Variants in NUFIP2 observed in about 807,000 individuals in gnomAD.
NUFIP2 encodes nuclear FMR1 interacting protein 2.
NUFIP2 carries 6 observed loss-of-function variants against 56.9 expected under a neutral mutation model. The observed-to-expected ratio is 0.11, with a 90% CI of 0.06 to 0.21. The LOEUF is 0.21. Among genes scored for constraint, NUFIP2 ranks in the 10% least tolerant of loss-of-function variants. NUFIP2 has a pLI of 1.00. For synonymous variants in NUFIP2, 321 were observed against 298.2 expected, an observed-to-expected ratio of 1.08 and a Z score of -0.79; for missense variants, 828 against 826.8, an observed-to-expected ratio of 1.00 and a Z score of -0.02.
At position 29,285,980 on chromosome 17, in the gene NUFIP2, CAA is replaced by C; in HGVS notation, c.2002+10_2002+11del. On this transcript the variant is annotated intron_variant, in intron 2 of 3. Coordinates refer to ENST00000225388, the MANE Select transcript of NUFIP2 (RefSeq NM_020772.3). ...CCAATAAAAATCTTTGTATAGGAAA[CAA>C]ATGAGTTACCTTTAGTGTGATATAC... 2.5e-6 allele frequency: 4 copies of C among 1,575,112 alleles called. No homozygotes were observed. Among genetic ancestry groups the C allele is most frequent in the Non-Finnish European group, 3.4e-6 (4 of 1,161,076 alleles).
chr17:29,276,684 G>C (rs866246540), intron 2 of NUFIP2, among the ~76,000 whole-genome samples: 1 of 152,106 alleles, frequency 6.6e-6, no homozygotes, highest in African/African-American at 2.4e-5. Context: ...ATTAGACCAA[G>C]TTTCTTAATG....
chr17:29,284,415 T>G (rs1229158916), intron 2 of NUFIP2, among the ~76,000 whole-genome samples: 1 of 152,114 alleles, frequency 6.6e-6, no homozygotes, highest in East Asian at 1.9e-4. Flanking sequence ...AAGAAAGTGA[T>G]TAACATGAGG....
chr17:29,271,644 G>A (rs1388507375), intron 2 of NUFIP2, among the ~76,000 whole-genome samples: 1 of 151,946 alleles, frequency 6.6e-6, no homozygotes, highest in African/African-American at 2.4e-5. Flanking sequence ...TTACTTCTTT[G>A]ACTACTAGCA....
At chr17:29,269,922 G>GT (rs1567676513) in intron 2 of NUFIP2, among the ~76,000 whole-genome samples, 1 of 151,848 alleles carries the variant, frequency 6.6e-6, no homozygotes, top group African/African-American at 2.4e-5. Flanking sequence ...GGGTTTCACC[G>GT]TGTTAGCCAG....
rs772055141 is a variant in NUFIP2 at position 29,261,870 on chromosome 17, C to G, written c.*2669G>C. 6.6e-6 allele frequency: 1 copy of G among 152,512 alleles called. No homozygotes were observed. Among genetic ancestry groups the G allele is most frequent in the Non-Finnish European group, 1.5e-5 (1 of 67,998 alleles). 9.4% of individuals were successfully genotyped at this position (152,512 alleles called of 1,614,324 possible). ...GACATTCCTAACTACATACCTCTAA[C>G]CATATAATCAAGGAAATTTCAGTGG... On this transcript the variant is annotated 3_prime_UTR_variant, in exon 4 of 4. Transcript: ENST00000225388.
At chr17:29,272,237 GTTC>G (rs1488421900) in intron 2 of NUFIP2, among the ~76,000 whole-genome samples, 6 of 147,678 alleles carry the variant, frequency 4.1e-5, no homozygotes, top group African/African-American at 7.4e-5. Flanking sequence ...TATGAAATGT[GTTC>G]TTTTTTTTTT....
rs1187423504 is a variant in NUFIP2, at chr17:29,286,451, G to A, written c.1543C>T (p.Pro515Ser). Residue 515 changes from proline (P) to serine (S), a missense_variant, in exon 2 of 4, where the codon CCC (proline) becomes TCC (serine). Coordinates refer to ENST00000225388, the MANE Select transcript of NUFIP2 (RefSeq NM_020772.3). ...NQWGLSFINE[P>S]SAGPETVTGK... The stretch of plus-strand genomic sequence containing the variant: ...GTAACAGTCTCAGGGCCAGCACTGG[G>A]CTCATTTATAAATGATAAACCCCAC... 2.5e-6 allele frequency: 4 copies of A among 1,613,974 alleles called. No homozygotes were observed. In the Admixed American group the frequency reaches 6.7e-5, roughly 27 times the overall value.
chr17:29,272,084 G>A (rs1480516662), intron 2 of NUFIP2, among the ~76,000 whole-genome samples: 1 of 125,010 alleles, frequency 8.0e-6, no homozygotes, highest in Non-Finnish European at 1.7e-5. Flanking sequence ...GAGAGGGGAG[G>A]GGAGGGGAGG....
chr17:29,264,859 C>T (rs1567675113), intron 3 of NUFIP2, among the ~76,000 whole-genome samples: 1 of 152,148 alleles, frequency 6.6e-6, no homozygotes, highest in Non-Finnish European at 1.5e-5. Context: ...GTTGAGTTCA[C>T]TTAAGGGTTT....
rs2069018835 is a variant in NUFIP2 at position 29,263,964 on chromosome 17, C to T, written c.*575G>A. 4 of 152,760 alleles carry T rather than the reference C, an allele frequency of 2.6e-5. No individual in the cohort carries two copies. The South Asian group carries it at 8.3e-4, about 32-fold the overall frequency. The allele number at this position is 152,760 out of a possible 1,614,324, so 9.5% of individuals were successfully genotyped here. A position where few individuals can be genotyped will look rare whatever the true frequency, so the allele number is the denominator to read the frequency against. ...TGGCAAGACATGCAAATCATATTCG[C>T]TAAAAAAATACACCCTGCTAACTTC... On this transcript the variant is annotated 3_prime_UTR_variant, in exon 4 of 4. Transcript: ENST00000225388.
At chr17:29,273,285 G>A (rs1478262635) in intron 2 of NUFIP2, among the ~76,000 whole-genome samples, 3 of 151,786 alleles carry the variant, frequency 2.0e-5, no homozygotes, top group African/African-American at 4.8e-5. Flanking sequence ...TGATCCACCC[G>A]CCTCGGCCTC....
chr17:29,276,093 C>T (rs1415436792), intron 2 of NUFIP2, among the ~76,000 whole-genome samples: 2 of 151,102 alleles, frequency 1.3e-5, no homozygotes, highest in African/African-American at 4.9e-5. Context: ...TGGATTCTCA[C>T]TGCCTACAGC....
chr17:29,275,084 T>C (rs1212024488), intron 2 of NUFIP2, among the ~76,000 whole-genome samples: 1 of 152,028 alleles, frequency 6.6e-6, no homozygotes, highest in Non-Finnish European at 1.5e-5. Context: ...GAATGCTCGA[T>C]CTCGGCTCAC....
rs1252668606 is a variant in NUFIP2 at position 29,261,720 on chromosome 17, A to G, written c.*2819T>C. ...GCAACAAATAGAGTTAAGTGTTACC[A>G]AACAGCACAAAGAGATTTGTCCCAA... On this transcript the variant is annotated 3_prime_UTR_variant, in exon 4 of 4. Transcript: ENST00000225388. 2.0e-5 allele frequency: 3 copies of G among 152,590 alleles called. No individual in the cohort carries two copies. Among genetic ancestry groups the G allele is most frequent in the Non-Finnish European group, 2.9e-5 (2 of 68,008 alleles). The allele number at this position is 152,590 out of a possible 1,614,324, so 9.5% of individuals were successfully genotyped here. A position where few individuals can be genotyped will look rare whatever the true frequency, so the allele number is the denominator to read the frequency against.
intron 2 of NUFIP2, among the ~76,000 whole-genome samples, chr17:29,279,164 T>C (rs984256544): frequency 1.3e-5 from 2 of 152,188 alleles, no homozygotes; most frequent in Non-Finnish European, 2.9e-5. Context: ...TTATTCACAT[T>C]GTGTTTAGAA....
At chr17:29,271,042 A>G (rs754203911) in intron 2 of NUFIP2, among the ~76,000 whole-genome samples, 31 of 152,178 alleles carry the variant, frequency 2.0e-4, no homozygotes, top group Non-Finnish European at 4.0e-4. Context: ...GCAAACACCC[A>G]AGTTGAAGAT....
At chr17:29,293,277 T>C (rs923660090) in intron 1 of NUFIP2, among the ~76,000 whole-genome samples, 1 of 149,392 alleles carries the variant, frequency 6.7e-6, no homozygotes, top group Admixed American at 6.7e-5. Flanking sequence ...ACAGGTGGGC[T>C]TGGGGTGGCG....
intron 1 of NUFIP2, among the ~76,000 whole-genome samples, chr17:29,291,698 C>T (rs986323352): frequency 6.6e-6 from 1 of 152,182 alleles, no homozygotes; most frequent in Non-Finnish European, 1.5e-5. Flanking sequence ...AGTAATATTG[C>T]CTTATGCAGC....
chr17:29,281,691 A>T (rs1377123655), intron 2 of NUFIP2, among the ~76,000 whole-genome samples: 18 of 29,052 alleles, frequency 6.2e-4, no homozygotes, highest in South Asian at 1.7e-3. Flanking sequence ...TGTCTCTTTA[A>T]AAAAAAAAAA....
Sources: allele counts gnomAD v4.1 joint callset (sites outside exome capture counted in the v4.1 genomes callset), GRCh38; gene constraint gnomAD v4.1.1; transcripts MANE v1.5; gene names NCBI Gene and HGNC (gene_info 2026-07-23, HGNC 2026-07-21).